Variants in RGS17 observed in about 807,000 individuals in gnomAD.
RGS17 encodes regulator of G-protein signaling 17.
In RGS17, 12 loss-of-function variants were observed where a neutral mutation model predicts 25.5. The observed-to-expected ratio is 0.47, with a 90% confidence interval of 0.30 to 0.76. The LOEUF is 0.76. Among genes scored for constraint, RGS17 ranks in the 30% least tolerant of loss-of-function variants. The probability of loss-of-function intolerance (pLI) is 0.07; values close to 1 mark genes in which losing one functional copy is unlikely to be tolerated. For synonymous variants in RGS17, 71 were observed against 76.9 expected (o/e 0.92, Z 0.40); for missense variants, 196 against 242.2 (o/e 0.81, Z 1.27).
chr6:153,097,344 G>C (rs1172741065), intron 1 of RGS17, among the ~76,000 whole-genome samples: 3 of 139,210 alleles, frequency 2.2e-5, no homozygotes, highest in African/African-American at 8.2e-5. Context: ...AGTCGCCCAG[G>C]CTGGAGTGCA....
chr6:153,094,303 T>C (rs900306654), intron 1 of RGS17, among the ~76,000 whole-genome samples: 8 of 152,110 alleles, frequency 5.3e-5, no homozygotes, highest in African/African-American at 1.9e-4. Context: ...GGTTTTGAAC[T>C]CCTGGGCTCA....
chr6:153,053,769 G>A (rs943682987), intron 1 of RGS17, among the ~76,000 whole-genome samples: 6 of 150,616 alleles, frequency 4.0e-5, no homozygotes, highest in African/African-American at 1.2e-4. Flanking sequence ...TCTAGCCTGG[G>A]TGACAAAGCA....
At chr6:153,119,204 T>A (rs1000721643) in intron 1 of RGS17, among the ~76,000 whole-genome samples, 3 of 152,188 alleles carry the variant, frequency 2.0e-5, no homozygotes, top group Middle Eastern at 3.2e-3. Context: ...TCTCTTGGGT[T>A]TGCAGTCCAA....
intron 1 of RGS17, among the ~76,000 whole-genome samples, chr6:153,057,829 G>C (rs1011093416): frequency 6.6e-6 from 1 of 152,128 alleles, no homozygotes; most frequent in African/African-American, 2.4e-5. Context: ...GTGCAACCTA[G>C]ATCCCTCACA....
In RGS17 at chr6:153,059,008, T is replaced by TG. The variant is rs139758384; in HGVS notation, c.-25-14966dup. On this transcript the variant is annotated intron_variant, in intron 1 of 4. Transcript: ENST00000206262. The stretch of plus-strand genomic sequence containing the variant: ...TGAATAATTACTAAGAATATGGTTC[T>TG]GGTCCTTACTCTGGGTGGTCACAGT... Among the ~76,000 whole-genome samples the TG allele has an allele frequency of 6.8e-3, 1,029 of 152,218 alleles. 14 individuals are homozygous for TG. Among genetic ancestry groups the TG allele is most frequent in the African/African-American group, 0.024 (989 of 41,546 alleles).
At chr6:153,126,342 G>GAT (rs2129127730) in intron 1 of RGS17, among the ~76,000 whole-genome samples, 1 of 152,324 alleles carries the variant, frequency 6.6e-6, no homozygotes, top group African/African-American at 2.4e-5. Flanking sequence ...ATTGTTTACT[G>GAT]ATTCCGGACT....
intron 1 of RGS17, among the ~76,000 whole-genome samples, chr6:153,076,280 A>G (rs917032636): frequency 1.6e-4 from 25 of 151,990 alleles, no homozygotes; most frequent in Non-Finnish European, 5.9e-5. Context: ...ATAATAACAA[A>G]AATATATAAA....
At chr6:153,114,248 A>T (rs1777513891) in intron 1 of RGS17, among the ~76,000 whole-genome samples, 1 of 152,148 alleles carries the variant, frequency 6.6e-6, no homozygotes, top group Non-Finnish European at 1.5e-5. Flanking sequence ...GATTAAGGGG[A>T]TATCACCACT....
At chr6:153,016,688 G>T (rs1779188537) in intron 4 of RGS17, among the ~76,000 whole-genome samples, 1 of 152,106 alleles carries the variant, frequency 6.6e-6, no homozygotes, top group African/African-American at 2.4e-5. Context: ...TCTATTTAAA[G>T]AATAAAATAT....
intron 3 of RGS17, among the ~76,000 whole-genome samples, chr6:153,025,430 A>G (rs1448411384): frequency 3.9e-5 from 6 of 152,144 alleles, no homozygotes; most frequent in African/African-American, 1.2e-4. Flanking sequence ...TGGGGAATTT[A>G]AAACTATATA....
intron 1 of RGS17, among the ~76,000 whole-genome samples, chr6:153,097,063 T>C (rs1777223845): frequency 6.6e-6 from 1 of 152,186 alleles, no homozygotes; most frequent in Non-Finnish European, 1.5e-5. Context: ...TTTGATTTAT[T>C]TGTTCCTTAA....
intron 1 of RGS17, among the ~76,000 whole-genome samples, chr6:153,111,444 G>C (rs992462488): frequency 1.3e-5 from 2 of 152,186 alleles, no homozygotes; most frequent in African/African-American, 2.4e-5. Context: ...GCCCCAGTCA[G>C]GGGCTTATAG....
chr6:153,070,832 CATACATATACAT>C (rs908304308), intron 1 of RGS17, among the ~76,000 whole-genome samples: 1 of 150,282 alleles, frequency 6.7e-6, no homozygotes, highest in Non-Finnish European at 1.5e-5. Context: ...CATATATACA[CATACATATACAT>C]ATACACAATA....
Position 153,026,559 on chromosome 6 carries a change from A to G in RGS17, c.120-16T>C, listed in dbSNP as rs766369431. On this transcript the variant is annotated splice_polypyrimidine_tract_variant and intron_variant, in intron 2 of 4. Coordinates refer to ENST00000206262, the MANE Select transcript of RGS17 (RefSeq NM_012419.5). ...CACAGTGAGGCTGTAATGTAACAGA[A>G]CATTTAATTTTGTCAAGGGAAATTC... The G allele has an allele frequency of 6.3e-7, 1 of 1,594,772 alleles. No homozygotes were observed. Among genetic ancestry groups the G allele is most frequent in the South Asian group, 1.1e-5 (1 of 89,824 alleles).
intron 1 of RGS17, among the ~76,000 whole-genome samples, chr6:153,052,832 G>A (rs1235117915): frequency 1.3e-5 from 2 of 152,136 alleles, no homozygotes; most frequent in African/African-American, 4.8e-5. Context: ...GATATTAAGA[G>A]GTGGGGCCTA....
At chr6:153,022,758 TAG>T (rs1439878057) in intron 4 of RGS17, among the ~76,000 whole-genome samples, 2 of 152,284 alleles carry the variant, frequency 1.3e-5, no homozygotes, top group East Asian at 3.9e-4. Flanking sequence ...AAAATACAAG[TAG>T]AGTTGTTTAG....
chr6:153,045,895 T>C (rs1440340161), intron 1 of RGS17, among the ~76,000 whole-genome samples: 1 of 152,216 alleles, frequency 6.6e-6, no homozygotes, highest in Non-Finnish European at 1.5e-5. Context: ...CACCTCCATG[T>C]TGACTGCAGC....
rs1025014285 is a variant in RGS17 at position 153,007,539 on chromosome 6, A to G, written c.*4035T>C. 1.3e-5 allele frequency: 2 copies of G among 152,098 alleles called. No individual in the cohort carries two copies. Among genetic ancestry groups the G allele is most frequent in the Admixed American group, 6.5e-5 (1 of 15,276 alleles). 9.4% of individuals were successfully genotyped at this position (152,098 alleles called of 1,614,324 possible). ...TCAAAGTATTCAAAATACATGTTTG[A>G]TAGGCTTCTATCTATAGGCATTTTC... On this transcript the variant is annotated 3_prime_UTR_variant, in exon 5 of 5. Transcript: ENST00000206262.
chr6:153,039,804 T>G (rs1158096744), intron 2 of RGS17, among the ~76,000 whole-genome samples: 1 of 152,198 alleles, frequency 6.6e-6, no homozygotes, highest in Non-Finnish European at 1.5e-5. Context: ...GCTCTGCACT[T>G]TTATATGTGT....
Sources: gnomAD v4.1 joint callset for allele counts (sites outside exome capture counted in the v4.1 genomes callset) on GRCh38, gnomAD v4.1.1 for gene constraint, MANE v1.5 for transcripts, NCBI Gene and HGNC (gene_info 2026-07-23, HGNC 2026-07-21) for gene names.